The following PAH variants were observed in gnomAD, a reference collection of about 807,000 sequenced individuals.
PAH encodes the protein phenylalanine hydroxylase, also known as phenylalanine-4-hydroxylase.
A neutral mutation model predicts 62.0 loss-of-function variants in PAH; 64 were observed. The ratio of observed to expected loss-of-function variants is 1.03; its 90% CI spans 0.84 to 1.27. The LOEUF is 1.27. PAH is among the 50% of genes most tolerant of loss of function. PAH has a pLI of 0.00. For missense variants in PAH, 579 were observed against 542.8 expected (o/e 1.07, Z -0.66); for synonymous variants, 195 against 196.2 (o/e 0.99, Z 0.05).
At chr12:102,888,947 G>A (rs1877152541) in intron 3 of PAH, among the ~76,000 whole-genome samples, 1 of 152,002 alleles carries the variant, frequency 6.6e-6, no homozygotes, top group African/African-American at 2.4e-5. Context: ...CACGGGAGAA[G>A]GTTTAGAACT....
At position 102,917,181 on chromosome 12, in the gene PAH, G is replaced by A. The variant is rs1292776382; in HGVS notation, c.-51C>T. On this transcript the variant is annotated 5_prime_UTR_variant, in exon 1 of 13. Transcript: ENST00000553106. ...TGGCTTTTTAGGGCCTCAGGTACAGGCAGGTTTGCAAACAGCACGTGGGGC... is the reference window on the plus strand; with the variant it reads ...TGGCTTTTTAGGGCCTCAGGTACAGACAGGTTTGCAAACAGCACGTGGGGC... The A allele has an allele frequency of 6.4e-7, 1 of 1,562,074 alleles. No individual in the cohort carries two copies. Among genetic ancestry groups the A allele is most frequent in the South Asian group, 1.1e-5 (1 of 89,934 alleles).
chr12:102,852,669 G>T, intron 7 of PAH, 146 bp downstream of exon 7: 1 of 971,012 alleles, frequency 1.0e-6, no homozygotes, highest in Non-Finnish European at 1.6e-6. Flanking sequence ...CTCCAGAATA[G>T]ATGAATTGTT....
chr12:102,861,506 A>G (rs866766196), intron 5 of PAH, among the ~76,000 whole-genome samples: 1 of 152,254 alleles, frequency 6.6e-6, no homozygotes, highest in East Asian at 1.9e-4. Flanking sequence ...ATTATAAATC[A>G]TGCTGCTATA....
chr12:102,950,931 G>C (rs1282290455), upstream of PAH: 2 of 130,734 alleles, frequency 1.5e-5, no homozygotes, highest in Non-Finnish European at 3.2e-5. Flanking sequence ...AAAGGCAAAG[G>C]AAGGGTCAAA....
rs1878757607 is a variant in PAH, at chr12:102,928,719, T to G, written c.-95-11494A>C. ...TTTCCTGATAAGACACAGACCTGAT[T>G]GTGGATATAAATTCTTTTGCTAATT... On this transcript the variant is annotated intron_variant, in intron 1 of 3. Coordinates refer to the PAH transcript ENST00000546844. Among the ~76,000 whole-genome samples, 3 of 152,254 alleles carry G rather than the reference T, an allele frequency of 2.0e-5. No homozygotes were observed. In the South Asian group the frequency reaches 6.2e-4, roughly 32 times the overall value.
intron 1 of PAH, among the ~76,000 whole-genome samples, chr12:102,948,961 A>C (rs1272754492): frequency 6.6e-6 from 1 of 152,168 alleles, no homozygotes; most frequent in Non-Finnish European, 1.5e-5. Context: ...AATGGAATAG[A>C]ATCAAGTAGT....
At chr12:102,938,577 C>A (rs532868953) in intron 1 of PAH, among the ~76,000 whole-genome samples, 1 of 152,284 alleles carries the variant, frequency 6.6e-6, no homozygotes, top group South Asian at 2.1e-4. Flanking sequence ...TGGCCCAGGA[C>A]CCCAGAACAG....
At chr12:102,940,544 C>A (rs1879252718) in intron 1 of PAH, among the ~76,000 whole-genome samples, 1 of 152,156 alleles carries the variant, frequency 6.6e-6, no homozygotes, top group Non-Finnish European at 1.5e-5. Flanking sequence ...ATATTAACAG[C>A]AGAATCAACT....
chr12:102,934,115 A>G (rs1164804176), intron 1 of PAH, among the ~76,000 whole-genome samples: 1 of 152,100 alleles, frequency 6.6e-6, no homozygotes, highest in East Asian at 1.9e-4. Context: ...GATGAGACAT[A>G]GGAATGTTGG....
At chr12:102,877,881 T>C (rs1407531772) in intron 3 of PAH, among the ~76,000 whole-genome samples, 1 of 152,130 alleles carries the variant, frequency 6.6e-6, no homozygotes, top group African/African-American at 2.4e-5. Context: ...TGGAGTACAG[T>C]TGCATGTGAT....
intron 8 of PAH, among the ~76,000 whole-genome samples, chr12:102,848,061 G>A (rs1334670435): frequency 6.6e-6 from 1 of 152,200 alleles, no homozygotes; most frequent in African/African-American, 2.4e-5. Context: ...TGAAACAGGA[G>A]CCATTGCAGG....
intron 1 of PAH, among the ~76,000 whole-genome samples, chr12:102,946,992 C>T (rs1444174392): frequency 6.6e-6 from 1 of 152,104 alleles, no homozygotes; most frequent in Non-Finnish European, 1.5e-5. Context: ...TTAGTTAGAT[C>T]ATTCTGGTGG....
chr12:102,849,218 T>C (rs1032684830), intron 8 of PAH, among the ~76,000 whole-genome samples: 1 of 152,208 alleles, frequency 6.6e-6, no homozygotes, highest in African/African-American at 2.4e-5. Flanking sequence ...AAGGAGTTGG[T>C]AATGTCCCAA....
intron 1 of PAH, among the ~76,000 whole-genome samples, chr12:102,935,984 T>C (rs1267031408): frequency 6.6e-6 from 1 of 151,982 alleles, no homozygotes; most frequent in Non-Finnish European, 1.5e-5. Flanking sequence ...AGCTTGTTTA[T>C]TTGAATTTTT....
At chr12:102,950,750 G>A (rs1205668149) in exon 1 of PAH, 1 of 152,248 alleles carries the variant, frequency 6.6e-6, no homozygotes, top group Non-Finnish European at 1.5e-5. Context: ...AGAGCTCTCA[G>A]AGGTTCCTGA....
intron 1 of PAH, among the ~76,000 whole-genome samples, chr12:102,949,368 A>G (rs1347670244): frequency 6.6e-6 from 1 of 152,142 alleles, no homozygotes; most frequent in Non-Finnish European, 1.5e-5. Flanking sequence ...AGAACAGCAA[A>G]CCAAGTTCGT....
At chr12:102,854,810 CAAACA>C (rs530888628) in intron 6 of PAH, 62 of 394,756 alleles carry the variant, frequency 1.6e-4, no homozygotes, top group East Asian at 3.4e-4. Flanking sequence ...AACTACAGGG[CAAACA>C]AAACAAAACA....
At chr12:102,943,792 G>C (rs989078907) in intron 1 of PAH, among the ~76,000 whole-genome samples, 2 of 152,180 alleles carry the variant, frequency 1.3e-5, no homozygotes, top group African/African-American at 4.8e-5. Flanking sequence ...ATTATCCTAA[G>C]TGAATTCATG....
Position 102,852,775 on chromosome 12 carries a change from C to T in PAH, c.842+40G>A, listed in dbSNP as rs756001161. 6.2e-6 allele frequency: 10 copies of T among 1,613,548 alleles called. No individual in the cohort carries two copies. The East Asian group carries it at 1.6e-4, about 25-fold the overall frequency. On this transcript the variant is annotated intron_variant, in intron 7 of 12. Transcript: ENST00000553106. Reference sequence around the variant, plus strand: ...TCTTGCAGCAGGAAAAGATGGCGCTCATTGTGCCTGGCAACTGGTAGCTGG... The same window carrying T: ...TCTTGCAGCAGGAAAAGATGGCGCTTATTGTGCCTGGCAACTGGTAGCTGG...
Sources: allele counts gnomAD v4.1 joint callset (sites outside exome capture counted in the v4.1 genomes callset), GRCh38; gene constraint gnomAD v4.1.1; transcripts MANE v1.5; gene names NCBI Gene and HGNC (gene_info 2026-07-23, HGNC 2026-07-21).